The following AKAP7 variants were observed in gnomAD, a reference collection of about 807,000 sequenced individuals.
The protein encoded by AKAP7 is A kinase (PRKA) anchor protein 7.
In AKAP7, 39 loss-of-function variants were observed where a neutral mutation model predicts 39.5. That is an observed-to-expected ratio of 0.99 (90% CI 0.76 to 1.29). AKAP7 has a LOEUF of 1.29. Ranked by LOEUF, AKAP7 falls within the 50% of genes most tolerant of loss-of-function variation. AKAP7 has a pLI of 0.00. For synonymous variants in AKAP7, 140 were observed against 139.1 expected, an observed-to-expected ratio of 1.01 and a Z score of -0.05; for missense variants, 414 against 407.7, an observed-to-expected ratio of 1.02 and a Z score of -0.13.
intron 6 of AKAP7, chr6:131,200,703 G>A (rs1807472286): frequency 6.6e-6 from 1 of 152,034 alleles, no homozygotes; most frequent in Non-Finnish European, 1.5e-5. Flanking sequence ...TCCATATTAG[G>A]TATCATTCCA....
chr6:131,129,821 A>G, the AKAP7 span, among the ~76,000 whole-genome samples: 4 of 152,198 alleles, frequency 2.6e-5, no homozygotes, highest in African/African-American at 4.8e-5. Flanking sequence ...TTAGCTTTGT[A>G]CTGATATTTG....
intron 5 of AKAP7, among the ~76,000 whole-genome samples, chr6:131,177,271 C>T (rs973660869): frequency 1.6e-4 from 25 of 152,084 alleles, no homozygotes; most frequent in Admixed American, 9.2e-4. Context: ...GAAGGAAAGA[C>T]GTTTATTGAG....
intron 4 of AKAP7, among the ~76,000 whole-genome samples, chr6:131,165,891 A>G (rs746984384): frequency 3.3e-5 from 5 of 152,052 alleles, no homozygotes; most frequent in Admixed American, 6.6e-5. Flanking sequence ...GTTACCTCCT[A>G]TATAGCTCAC....
chr6:131,157,739 G>A (rs1211273891), intron 2 of AKAP7, among the ~76,000 whole-genome samples: 1 of 152,142 alleles, frequency 6.6e-6, no homozygotes, highest in African/African-American at 2.4e-5. Flanking sequence ...GTTCTGATAA[G>A]GTTAGGTGTG....
At chr6:131,139,141 A>C (rs980645141) in intron 1 of AKAP7, among the ~76,000 whole-genome samples, 4 of 152,234 alleles carry the variant, frequency 2.6e-5, no homozygotes, top group Non-Finnish European at 5.9e-5. Context: ...ATTCACATCT[A>C]CCAACCTTTG....
At chr6:131,207,316 A>AC (rs1808200131) in intron 6 of AKAP7, among the ~76,000 whole-genome samples, 1 of 133,508 alleles carries the variant, frequency 7.5e-6, no homozygotes, top group African/African-American at 2.6e-5. Context: ...AATACTCTAC[A>AC]CATTTTTTTT....
chr6:131,214,309 AGG>A (rs1808948182), intron 6 of AKAP7, among the ~76,000 whole-genome samples: 1 of 152,196 alleles, frequency 6.6e-6, no homozygotes, highest in Non-Finnish European at 1.5e-5. Context: ...TTAAAATACT[AGG>A]GTAGAGTTTC....
intron 5 of AKAP7, among the ~76,000 whole-genome samples, chr6:131,172,185 T>C (rs1023154524): frequency 4.6e-5 from 7 of 152,120 alleles, no homozygotes; most frequent in African/African-American, 1.7e-4. Flanking sequence ...ATGATCAGTA[T>C]ACAAAAACCT....
chr6:131,217,812 C>A (rs28360555), intron 6 of AKAP7, among the ~76,000 whole-genome samples: 43,398 of 151,944 alleles, frequency 0.29, 6,702 homozygotes, highest in Middle Eastern at 0.39. Flanking sequence ...CGGTGCTGCA[C>A]TGGTTTCTTG....
intron 3 of AKAP7, among the ~76,000 whole-genome samples, chr6:131,162,306 A>G (rs1404715211): frequency 6.6e-6 from 1 of 152,188 alleles, no homozygotes; most frequent in African/African-American, 2.4e-5. Context: ...CGCAGCTTTT[A>G]GTTTTCATCC....
At chr6:131,151,421 G>A (rs1397694711) in intron 2 of AKAP7, among the ~76,000 whole-genome samples, 1 of 149,224 alleles carries the variant, frequency 6.7e-6, no homozygotes, top group Non-Finnish European at 1.5e-5. Flanking sequence ...ATTTGCCAAA[G>A]ATTATTGAGA....
intron 7 of AKAP7, among the ~76,000 whole-genome samples, chr6:131,279,928 G>A (rs1815070500): frequency 6.6e-6 from 1 of 152,186 alleles, no homozygotes; most frequent in Non-Finnish European, 1.5e-5. Context: ...TGCATTTGGA[G>A]ATGTTGTCTG....
intron 6 of AKAP7, among the ~76,000 whole-genome samples, chr6:131,208,761 C>A (rs1455118143): frequency 6.6e-6 from 1 of 152,062 alleles, no homozygotes; most frequent in Non-Finnish European, 1.5e-5. Flanking sequence ...TTTTTTCCCC[C>A]CATGTTAATG....
intron 5 of AKAP7, chr6:131,184,442 T>G (rs1345215369): frequency 1.5e-6 from 1 of 658,472 alleles, no homozygotes; most frequent in South Asian, 1.4e-5. Context: ...GACAGTACAT[T>G]TCGTAGCCAT....
At chr6:131,248,920 A>T (rs1483920868) in intron 7 of AKAP7, among the ~76,000 whole-genome samples, 1 of 152,234 alleles carries the variant, frequency 6.6e-6, no homozygotes, top group Non-Finnish European at 1.5e-5. Flanking sequence ...TTTATAAGTC[A>T]CTAAGCTGTG....
At chr6:131,141,798 G>A (rs775749015) in intron 1 of AKAP7, among the ~76,000 whole-genome samples, 3 of 151,990 alleles carry the variant, frequency 2.0e-5, no homozygotes, top group Non-Finnish European at 4.4e-5. Flanking sequence ...CCCTAGCAAA[G>A]AATTTGGCTG....
At chr6:131,208,667 A>C (rs1255390065) in intron 6 of AKAP7, among the ~76,000 whole-genome samples, 1 of 152,228 alleles carries the variant, frequency 6.6e-6, no homozygotes, top group Non-Finnish European at 1.5e-5. Flanking sequence ...AAGTTAATCA[A>C]ATTCTTTATG....
At chr6:131,250,649 G>A (rs1028808200) in intron 7 of AKAP7, 3 of 1,607,750 alleles carry the variant, frequency 1.9e-6, no homozygotes, top group Non-Finnish European at 2.6e-6. Context: ...AGAATCCTAA[G>A]TGCTTGACTA....
At position 131,185,680 on chromosome 6, in the gene AKAP7, T is replaced by C. The variant is rs376716204; in HGVS notation, c.590-13781T>C. On this transcript the variant is annotated intron_variant, in intron 5 of 7. Coordinates refer to ENST00000431975, the MANE Select transcript of AKAP7 (RefSeq NM_016377.4). ...GCCCATTTTTAAACCAAGTTGTCTTTTGTTGTTGATTTGAAGGAGTTCTTT... is the reference window on the plus strand; with the variant it reads ...GCCCATTTTTAAACCAAGTTGTCTTCTGTTGTTGATTTGAAGGAGTTCTTT... Among the ~76,000 whole-genome samples the C allele has an allele frequency of 2.6e-5, 4 of 152,350 alleles. No homozygotes were observed. The East Asian group carries it at 7.7e-4, about 29-fold the overall frequency.
Sources: allele counts gnomAD v4.1 joint callset (sites outside exome capture counted in the v4.1 genomes callset), GRCh38; gene constraint gnomAD v4.1.1; transcripts MANE v1.5; gene names NCBI Gene and HGNC (gene_info 2026-07-23, HGNC 2026-07-21).